KCNMA1: variants seen among roughly 807,000 people sequenced by gnomAD.
KCNMA1 encodes Calcium-activated potassium channel subunit alpha-1.
KCNMA1 carries 29 observed loss-of-function variants against 140.0 expected under a neutral mutation model. That is an observed-to-expected ratio of 0.21 (90% confidence interval 0.15 to 0.28). The LOEUF is 0.28. Among genes scored for constraint, KCNMA1 ranks in the 10% least tolerant of loss-of-function variants. The pLI is 1.00. For missense variants in KCNMA1, 880 were observed against 1,602.2 expected (o/e 0.55, Z 7.70); for synonymous variants, 612 against 611.9 (o/e 1.00, Z 0.00).
chr10:77,064,137 A>G, intron 14 of KCNMA1: 2 of 984,534 alleles, frequency 2.0e-6, no homozygotes, highest in Non-Finnish European at 2.4e-6. Flanking sequence ...TCCATATGTG[A>G]TTACAGCTAT....
intron 1 of KCNMA1, among the ~76,000 whole-genome samples, chr10:77,516,898 T>C (rs1365759254): frequency 6.6e-6 from 1 of 150,936 alleles, no homozygotes; most frequent in Non-Finnish European, 1.5e-5. Context: ...CAGCTGCAGG[T>C]GTGTGAGCAA....
intron 23 of KCNMA1, chr10:76,939,822 C>T (rs1480119079): frequency 6.6e-6 from 1 of 152,210 alleles, no homozygotes; most frequent in Non-Finnish European, 1.5e-5. Context: ...ACATTGCCTC[C>T]CTCTGCTCAC....
chr10:77,456,429 C>T (rs1245628295), intron 1 of KCNMA1, among the ~76,000 whole-genome samples: 2 of 152,218 alleles, frequency 1.3e-5, no homozygotes, highest in African/African-American at 4.8e-5. Context: ...ATTATCTCCA[C>T]ACTTATCATA....
chr10:77,622,461 G>A (rs1190199292), intron 1 of KCNMA1, among the ~76,000 whole-genome samples: 2 of 152,222 alleles, frequency 1.3e-5, no homozygotes, highest in Admixed American at 6.5e-5. Flanking sequence ...GTGACCCTGA[G>A]CAGTTACTCA....
At chr10:77,419,054 C>T (rs1215869602) in intron 1 of KCNMA1, among the ~76,000 whole-genome samples, 1 of 152,196 alleles carries the variant, frequency 6.6e-6, no homozygotes, top group Non-Finnish European at 1.5e-5. Context: ...AGTGCCGCCA[C>T]ACTCTCACCT....
At chr10:77,032,730 C>G (rs568381463) in intron 15 of KCNMA1, among the ~76,000 whole-genome samples, 1 of 147,468 alleles carries the variant, frequency 6.8e-6, no homozygotes, top group Non-Finnish European at 1.5e-5. Context: ...AAAGCCCAAC[C>G]CCCCTTTTTT....
chr10:77,441,240 T>A (rs1268855024), intron 1 of KCNMA1, among the ~76,000 whole-genome samples: 2 of 152,080 alleles, frequency 1.3e-5, no homozygotes, highest in East Asian at 3.9e-4. Flanking sequence ...AACTTTGCCT[T>A]ATAAGTAATA....
chr10:77,170,504 AG>A, intron 5 of KCNMA1, among the ~76,000 whole-genome samples: 1 of 146,060 alleles, frequency 6.8e-6, no homozygotes, highest in African/African-American at 2.5e-5. Context: ...GTCAGAGGTG[AG>A]GCTCCATCCC....
At chr10:77,497,124 T>C (rs2042239152) in intron 1 of KCNMA1, among the ~76,000 whole-genome samples, 1 of 152,196 alleles carries the variant, frequency 6.6e-6, no homozygotes, top group South Asian at 2.1e-4. Context: ...ATTGTGTCCT[T>C]CCACTGGCTT....
intron 2 of KCNMA1, among the ~76,000 whole-genome samples, chr10:77,304,753 C>A (rs1340007250): frequency 6.6e-6 from 1 of 152,176 alleles, no homozygotes; most frequent in East Asian, 1.9e-4. Flanking sequence ...GCCCAGTGGG[C>A]AGGATTGACT....
chr10:77,353,057 T>C (rs1356392521), intron 2 of KCNMA1, among the ~76,000 whole-genome samples: 3 of 152,322 alleles, frequency 2.0e-5, no homozygotes, highest in South Asian at 2.1e-4. Flanking sequence ...CCCTTGTATT[T>C]TTCATGAAGC....
chr10:77,558,139 C>T (rs565161026), intron 1 of KCNMA1, among the ~76,000 whole-genome samples: 3 of 152,094 alleles, frequency 2.0e-5, no homozygotes, highest in Non-Finnish European at 2.9e-5. Context: ...TTTCTTACCC[C>T]CTATGAATGG....
At chr10:76,996,569 G>C (rs774218785) in intron 19 of KCNMA1, among the ~76,000 whole-genome samples, 10 of 152,154 alleles carry the variant, frequency 6.6e-5, no homozygotes, top group Non-Finnish European at 5.9e-5. Flanking sequence ...CAAAGGCTCT[G>C]GTAGTGTTTG....
chr10:77,614,619 T>C (rs1303933832), intron 1 of KCNMA1, among the ~76,000 whole-genome samples: 1 of 152,220 alleles, frequency 6.6e-6, no homozygotes, highest in Non-Finnish European at 1.5e-5. Context: ...GGTGGAACTT[T>C]CTCTGTGGTC....
At chr10:77,099,917 C>G (rs2097054886) in intron 9 of KCNMA1, among the ~76,000 whole-genome samples, 1 of 152,088 alleles carries the variant, frequency 6.6e-6, no homozygotes, top group Non-Finnish European at 1.5e-5. Flanking sequence ...CTGCTATTAC[C>G]TATGCTCTCC....
At chr10:77,611,612 C>A (rs1341692065) in intron 1 of KCNMA1, among the ~76,000 whole-genome samples, 1 of 151,338 alleles carries the variant, frequency 6.6e-6, no homozygotes, top group Non-Finnish European at 1.5e-5. Context: ...ATAGCGAGTT[C>A]TCCATTAAGT....
At chr10:77,027,402 A>T (rs748730553) in intron 16 of KCNMA1, among the ~76,000 whole-genome samples, 1 of 152,184 alleles carries the variant, frequency 6.6e-6, no homozygotes, top group Non-Finnish European at 1.5e-5. Context: ...TAATTTGGCT[A>T]TCAAGAGAGT....
intron 6 of KCNMA1, among the ~76,000 whole-genome samples, chr10:77,116,332 G>A (rs936086787): frequency 4.9e-4 from 75 of 152,100 alleles, no homozygotes; most frequent in Non-Finnish European, 5.7e-4. Context: ...AAGAAACTGT[G>A]GATGCTGCAA....
At chr10:77,028,795 T>C (rs2100203878) in intron 15 of KCNMA1, among the ~76,000 whole-genome samples, 1 of 152,148 alleles carries the variant, frequency 6.6e-6, no homozygotes, top group South Asian at 2.1e-4. Context: ...GCATAGTGAA[T>C]AGACCCACCG....
Sources: gnomAD v4.1 joint callset for allele counts (sites outside exome capture counted in the v4.1 genomes callset) on GRCh38, gnomAD v4.1.1 for gene constraint, MANE v1.5 for transcripts, NCBI Gene and HGNC (gene_info 2026-07-23, HGNC 2026-07-21) for gene names.